Variants in PRKCB observed in about 807,000 individuals in gnomAD.
The protein encoded by PRKCB is protein kinase C beta, also known as protein kinase C beta type.
In PRKCB, 13 loss-of-function variants were observed where a neutral mutation model predicts 81.5. The observed-to-expected ratio is 0.16, with a 90% CI of 0.10 to 0.25. The LOEUF is 0.25. Ranked by LOEUF, PRKCB falls within the 10% of genes least tolerant of loss-of-function variation. The pLI is 1.00. For synonymous variants in PRKCB, 335 were observed against 321.4 expected (o/e 1.04, Z -0.45); for missense variants, 509 against 875.7 (o/e 0.58, Z 5.29).
intron 7 of PRKCB, among the ~76,000 whole-genome samples, chr16:24,106,260 T>C (rs1464596777): frequency 6.6e-6 from 1 of 152,236 alleles, no homozygotes; most frequent in Non-Finnish European, 1.5e-5. Flanking sequence ...GTCGTAATTA[T>C]GTCACAGGAT....
At chr16:23,913,608 C>G (rs1963694411) in intron 2 of PRKCB, among the ~76,000 whole-genome samples, 1 of 152,188 alleles carries the variant, frequency 6.6e-6, no homozygotes, top group South Asian at 2.1e-4. Context: ...ATCAGACTAG[C>G]TAGCCTTGAA....
chr16:24,117,585 A>G (rs1966749580), intron 8 of PRKCB, among the ~76,000 whole-genome samples: 1 of 152,198 alleles, frequency 6.6e-6, no homozygotes, highest in Non-Finnish European at 1.5e-5. Context: ...ACTGAAGCCC[A>G]CAGAGGTTTA....
At chr16:24,039,477 G>A (rs1255093430) in intron 5 of PRKCB, among the ~76,000 whole-genome samples, 3 of 152,106 alleles carry the variant, frequency 2.0e-5, no homozygotes, top group Admixed American at 6.5e-5. Context: ...TGATCCGCCC[G>A]CCTTGGCCTC....
chr16:23,991,257 A>G (rs1964882674), intron 3 of PRKCB, among the ~76,000 whole-genome samples: 1 of 152,218 alleles, frequency 6.6e-6, no homozygotes, highest in African/African-American at 2.4e-5. Context: ...CTTTGCTTGG[A>G]AAATGTGGTA....
intron 2 of PRKCB, among the ~76,000 whole-genome samples, chr16:23,977,109 C>T (rs1403845776): frequency 1.3e-5 from 2 of 152,174 alleles, no homozygotes; most frequent in Non-Finnish European, 2.9e-5. Context: ...CTATCTCTTC[C>T]TCCCCTCTTC....
chr16:23,952,802 G>A (rs1479451791), intron 2 of PRKCB, among the ~76,000 whole-genome samples: 4 of 152,164 alleles, frequency 2.6e-5, no homozygotes. Flanking sequence ...ACCTTTTGTG[G>A]AACAGGTTAT....
chr16:24,069,393 C>A (rs181689891), intron 5 of PRKCB, among the ~76,000 whole-genome samples: 1 of 152,092 alleles, frequency 6.6e-6, no homozygotes, highest in South Asian at 2.1e-4. Context: ...AAGTTTGGCC[C>A]GGAAGAGGCT....
At chr16:24,108,298 T>A (rs630547) in intron 7 of PRKCB, among the ~76,000 whole-genome samples, 64,153 of 147,680 alleles carry the variant, frequency 0.43, 15,412 homozygotes, top group Non-Finnish European at 0.53. Flanking sequence ...TTTTATTATT[T>A]TTTTTTAATT....
intron 2 of PRKCB, among the ~76,000 whole-genome samples, chr16:23,941,913 A>G (rs1964144775): frequency 6.6e-6 from 1 of 152,384 alleles, no homozygotes; most frequent in African/African-American, 2.4e-5. Flanking sequence ...AAGAAAAGAA[A>G]CATATAAATA....
At chr16:23,973,598 C>G (rs1336128143) in intron 2 of PRKCB, among the ~76,000 whole-genome samples, 2 of 152,166 alleles carry the variant, frequency 1.3e-5, no homozygotes, top group Non-Finnish European at 2.9e-5. Flanking sequence ...GACATTAAGT[C>G]AAATGGGAAC....
chr16:24,101,332 C>T (rs565295511), intron 7 of PRKCB, among the ~76,000 whole-genome samples: 1 of 152,252 alleles, frequency 6.6e-6, no homozygotes, highest in East Asian at 1.9e-4. Flanking sequence ...AGGATTGCTT[C>T]AGTTCGGGAG....
Position 23,941,971 on chromosome 16 carries a change from G to C in PRKCB, c.206-46537G>C, listed in dbSNP as rs923812544. ...AATACCAAATTAACACTATTCACAG[G>C]TTATATTATTTATTTTAGCAACTCT... On this transcript the variant is annotated intron_variant, in intron 2 of 16. Coordinates refer to ENST00000643927, the MANE Select transcript of PRKCB (RefSeq NM_002738.7). Among the ~76,000 whole-genome samples the C allele has an allele frequency of 2.2e-4, 33 of 152,116 alleles. 2 individuals are homozygous for C. The highest frequency in any genetic ancestry group is 2.9e-5 in the Non-Finnish European group (2 of 68,034).
intron 3 of PRKCB, among the ~76,000 whole-genome samples, chr16:24,026,244 A>C (rs1244328399): frequency 6.6e-6 from 1 of 152,218 alleles, no homozygotes; most frequent in East Asian, 1.9e-4. Context: ...GCGGTGAGCT[A>C]TGATCGCACC....
At chr16:23,838,339 A>G (rs1962205934) in intron 2 of PRKCB, among the ~76,000 whole-genome samples, 1 of 152,210 alleles carries the variant, frequency 6.6e-6, no homozygotes, top group South Asian at 2.1e-4. Context: ...TAGATGGGGA[A>G]CAGCCTTACC....
chr16:23,931,541 G>C (rs1054146409), intron 2 of PRKCB, among the ~76,000 whole-genome samples: 3 of 152,174 alleles, frequency 2.0e-5, no homozygotes, highest in Admixed American at 6.5e-5. Flanking sequence ...TGTGAGAAGA[G>C]ACCTGAGCAG....
intron 7 of PRKCB, among the ~76,000 whole-genome samples, chr16:24,096,666 A>ATATATATATATAT (rs1555496499): frequency 3.1e-4 from 10 of 32,660 alleles, no homozygotes; most frequent in African/African-American, 3.9e-4. Flanking sequence ...AAAAAAAAAA[A>ATATATATATATAT]ATATATATAT....
intron 2 of PRKCB, among the ~76,000 whole-genome samples, chr16:23,950,446 G>A (rs1964265813): frequency 6.6e-6 from 1 of 152,212 alleles, no homozygotes; most frequent in Admixed American, 6.5e-5. Context: ...TAAAAGCTAA[G>A]CAGTATGGGT....
At chr16:23,846,656 C>CT (rs1426904288) in intron 2 of PRKCB, among the ~76,000 whole-genome samples, 4 of 140,542 alleles carry the variant, frequency 2.8e-5, no homozygotes, top group South Asian at 2.4e-4. Flanking sequence ...TATAAACCAA[C>CT]TTTTTTTTGA....
In PRKCB at chr16:24,217,403, A is replaced by T. The variant is rs1011745051; in HGVS notation, c.*2587A>T. 2.0e-6 allele frequency: 2 copies of T among 985,340 alleles called. No individual in the cohort carries two copies. Among genetic ancestry groups the T allele is most frequent in the Non-Finnish European group, 2.4e-6 (2 of 829,940 alleles). The allele number at this position is 985,340 out of a possible 1,614,324, so 61.0% of individuals were successfully genotyped here. On this transcript the variant is annotated 3_prime_UTR_variant, in exon 17 of 17. Coordinates refer to ENST00000643927, the MANE Select transcript of PRKCB (RefSeq NM_002738.7). ...TTGAAGAGAGGACAGGGCCATAGCA[A>T]CAAGGACCTTCTTGGGGGATTAATG...
Sources: gnomAD v4.1 joint callset for allele counts (sites outside exome capture counted in the v4.1 genomes callset) on GRCh38, gnomAD v4.1.1 for gene constraint, MANE v1.5 for transcripts, NCBI Gene and HGNC (gene_info 2026-07-23, HGNC 2026-07-21) for gene names.